Variants in PAPPA observed in about 807,000 individuals in gnomAD.
PAPPA encodes the protein pappalysin 1, also known as pappalysin-1.
In PAPPA, 60 loss-of-function variants were observed where a neutral mutation model predicts 164.0. The ratio of observed to expected loss-of-function variants is 0.37; its 90% CI spans 0.30 to 0.45. The LOEUF (loss-of-function observed/expected upper bound fraction) is 0.45. PAPPA is among the 20% of genes least tolerant of loss of function. The probability of loss-of-function intolerance (pLI) is 1.00; values close to 1 mark genes in which losing one functional copy is unlikely to be tolerated. For synonymous variants in PAPPA, 875 were observed against 814.1 expected, an observed-to-expected ratio of 1.07 and a Z score of -1.27; for missense variants, 1,782 against 2,087.3, an observed-to-expected ratio of 0.85 and a Z score of 2.85.
chr9:116,249,724 A>G (rs541087060), intron 7 of PAPPA, among the ~76,000 whole-genome samples: 12 of 152,276 alleles, frequency 7.9e-5, no homozygotes, highest in African/African-American at 2.6e-4. Flanking sequence ...AATCAAAAGG[A>G]GGAGGCAGGT....
chr9:116,383,205 A>C (rs1169952659), intron 21 of PAPPA, among the ~76,000 whole-genome samples: 2 of 152,224 alleles, frequency 1.3e-5, no homozygotes, highest in African/African-American at 4.8e-5. Flanking sequence ...ACTGCCGCTG[A>C]GACCAGAGTG....
intron 14 of PAPPA, among the ~76,000 whole-genome samples, 175 bp downstream of exon 14, chr9:116,344,886 AAGC>A (rs1487850847): frequency 1.4e-4 from 22 of 152,364 alleles, no homozygotes; most frequent in African/African-American, 5.1e-4. Flanking sequence ...TTAACCAAGC[AAGC>A]AGTCTGGAAT....
chr9:116,239,547 G>A (rs1419007032), intron 7 of PAPPA, among the ~76,000 whole-genome samples: 1 of 152,164 alleles, frequency 6.6e-6, no homozygotes, highest in African/African-American at 2.4e-5. Context: ...AAACCTCACT[G>A]GCTCTGTATG....
Position 116,154,496 on chromosome 9 carries a change from C to G in PAPPA, c.324C>G (p.Leu108=). 7.5e-7 allele frequency: 1 copy of G among 1,340,258 alleles called. No homozygotes were observed. The allele number at this position is 1,340,258 out of a possible 1,614,324, so 83.0% of individuals were successfully genotyped here. A position where few individuals can be genotyped will look rare whatever the true frequency, so the allele number is the denominator to read the frequency against. ...GCGGGCGAGGCGAGCAGCTGCGCCTCCGGGCCGACCTCGAGCTGCCCCGGG... is the reference window on the plus strand; with the variant it reads ...GCGGGCGAGGCGAGCAGCTGCGCCTGCGGGCCGACCTCGAGCTGCCCCGGG... ...YFSGRGEQLR[L]RADLELPRDA... is the part of the protein sequence containing the mutation. The change falls in exon 1 of 22, where the codon CTC becomes CTG. Residue 108 remains leucine (L), a synonymous_variant. Transcript: ENST00000328252. This position sits in a 1 kb window ranked among gnomAD's most constrained non-coding sequence, Gnocchi z 5.2.
chr9:116,273,152 G>A (rs1259844003), intron 9 of PAPPA, among the ~76,000 whole-genome samples: 1 of 152,172 alleles, frequency 6.6e-6, no homozygotes, highest in Non-Finnish European at 1.5e-5. Context: ...AAAGTAGGAT[G>A]GGGTGAAGGT....
At chr9:116,216,432 G>T (rs1033375695) in intron 4 of PAPPA, among the ~76,000 whole-genome samples, 1 of 152,136 alleles carries the variant, frequency 6.6e-6, no homozygotes, top group Non-Finnish European at 1.5e-5. Context: ...CCAGGGTACC[G>T]TATCAACAGC....
intron 9 of PAPPA, among the ~76,000 whole-genome samples, chr9:116,279,140 G>A (rs1215461493): frequency 3.3e-5 from 5 of 152,132 alleles, no homozygotes; most frequent in South Asian, 2.1e-4. Flanking sequence ...TTTCAGCTCC[G>A]ATTTTTAGGA....
At chr9:116,211,237 G>A (rs184654855) in intron 3 of PAPPA, among the ~76,000 whole-genome samples, 1 of 152,284 alleles carries the variant, frequency 6.6e-6, no homozygotes, top group East Asian at 1.9e-4. Context: ...GCTTTGTCTA[G>A]ACAAGAATAT....
intron 7 of PAPPA, among the ~76,000 whole-genome samples, chr9:116,261,914 A>G (rs200110331): frequency 7.9e-6 from 1 of 126,278 alleles, no homozygotes; most frequent in South Asian, 2.6e-4. Context: ...GTTTTGTTTA[A>G]AAAAAAAATG....
intron 21 of PAPPA, among the ~76,000 whole-genome samples, chr9:116,392,463 A>T (rs184393642): frequency 5.3e-4 from 81 of 152,316 alleles, no homozygotes; most frequent in Non-Finnish European, 9.1e-4. Context: ...GTGCAGAGTC[A>T]GAGAGCTAGC....
rs7025281 is a variant in PAPPA at position 116,389,550 on chromosome 9, T to G, written c.4777-6959T>G. Reference sequence around the variant, plus strand: ...CTGACTTTGCCCCCTTTCCACTGTCTATGCCTTTTCTTATTCACCTCTGGC... The same window carrying G: ...CTGACTTTGCCCCCTTTCCACTGTCGATGCCTTTTCTTATTCACCTCTGGC... On this transcript the variant is annotated intron_variant, in intron 21 of 21. Coordinates refer to ENST00000328252, the MANE Select transcript of PAPPA (RefSeq NM_002581.5). Among the ~76,000 whole-genome samples the G allele has an allele frequency of 7.8e-3, 1,192 of 152,298 alleles. 22 individuals are homozygous for G. Among genetic ancestry groups the G allele is most frequent in the African/African-American group, 0.028 (1,148 of 41,568 alleles).
intron 4 of PAPPA, among the ~76,000 whole-genome samples, chr9:116,217,871 A>T (rs533806824): frequency 1.3e-5 from 2 of 152,242 alleles, no homozygotes; most frequent in South Asian, 2.1e-4. Flanking sequence ...GTGTGCACTA[A>T]TCTAGTCACG....
At chr9:116,251,859 T>C (rs899246128) in intron 7 of PAPPA, among the ~76,000 whole-genome samples, 13 of 152,352 alleles carry the variant, frequency 8.5e-5, no homozygotes, top group African/African-American at 3.1e-4. Context: ...CTGTTAAATG[T>C]CTTCCCTTCA....
At chr9:116,163,731 C>T (rs1310184760) in intron 1 of PAPPA, among the ~76,000 whole-genome samples, 1 of 152,156 alleles carries the variant, frequency 6.6e-6, no homozygotes, top group African/African-American at 2.4e-5. Flanking sequence ...ACATTTTCGG[C>T]TTCCACACCT....
At chr9:116,155,284 T>C in intron 1 of PAPPA, among the ~76,000 whole-genome samples, 1 of 152,174 alleles carries the variant, frequency 6.6e-6, no homozygotes, top group East Asian at 1.9e-4. Flanking sequence ...TATGGGACTT[T>C]ATGAGCCCGT....
At chr9:116,217,384 T>G (rs1844387421) in intron 4 of PAPPA, among the ~76,000 whole-genome samples, 1 of 152,224 alleles carries the variant, frequency 6.6e-6, no homozygotes, top group Admixed American at 6.5e-5. Context: ...GTCTGATTAG[T>G]ATTCTGTTCT....
intron 16 of PAPPA, 129 bp downstream of exon 16, chr9:116,353,045 G>A (rs1334435018): frequency 1.3e-6 from 1 of 744,634 alleles, no homozygotes; most frequent in East Asian, 2.7e-5. Flanking sequence ...ATTCTGTTCT[G>A]TGAGAAGCTA....
At chr9:116,165,444 A>T (rs1458761292) in intron 1 of PAPPA, among the ~76,000 whole-genome samples, 1 of 152,162 alleles carries the variant, frequency 6.6e-6, no homozygotes, top group Non-Finnish European at 1.5e-5. Flanking sequence ...ATCAGTCATC[A>T]ACTCCTGACT....
chr9:116,306,234 T>C (rs1375921021), intron 10 of PAPPA, among the ~76,000 whole-genome samples: 1 of 151,906 alleles, frequency 6.6e-6, no homozygotes, highest in Non-Finnish European at 1.5e-5. Flanking sequence ...TGTACAAGAG[T>C]TAGGAGTGAG....
Sources: gnomAD v4.1 joint callset for allele counts (sites outside exome capture counted in the v4.1 genomes callset) on GRCh38, gnomAD v4.1.1 for gene constraint, Gnocchi (gnomAD v3.1) non-coding constraint, MANE v1.5 for transcripts, NCBI Gene and HGNC (gene_info 2026-07-23, HGNC 2026-07-21) for gene names.